MYLK4: variants seen among roughly 807,000 people sequenced by gnomAD.
MYLK4 encodes caMLCK like.
MYLK4 carries 46 observed loss-of-function variants against 48.1 expected under a neutral mutation model. The ratio of observed to expected loss-of-function variants is 0.96; its 90% confidence interval spans 0.75 to 1.22. MYLK4 has a LOEUF of 1.22. Ranked by LOEUF, MYLK4 falls within the 50% of genes most tolerant of loss-of-function variation. The probability of loss-of-function intolerance (pLI) is 0.00; values close to 1 mark genes in which losing one functional copy is unlikely to be tolerated. For missense variants in MYLK4, 451 were observed against 486.1 expected, an observed-to-expected ratio of 0.93 and a Z score of 0.68; for synonymous variants, 170 against 180.8, an observed-to-expected ratio of 0.94 and a Z score of 0.48.
chr6:2,733,347 G>C (rs34251656), intron 2 of MYLK4, among the ~76,000 whole-genome samples: 5,230 of 152,290 alleles, frequency 0.034, 242 homozygotes, highest in East Asian at 0.27. Flanking sequence ...GGAAATACAT[G>C]TGTAAAAACT....
At chr6:2,718,544 T>C (rs1297995930) in intron 2 of MYLK4, among the ~76,000 whole-genome samples, 2 of 152,178 alleles carry the variant, frequency 1.3e-5, no homozygotes, top group Admixed American at 1.3e-4. Context: ...GCAGATATGG[T>C]AGGAGCTCCA....
At chr6:2,713,834 C>T (rs1036663502) in intron 2 of MYLK4, among the ~76,000 whole-genome samples, 3 of 152,162 alleles carry the variant, frequency 2.0e-5, no homozygotes, top group Admixed American at 2.0e-4. Flanking sequence ...GTAGAGAAAC[C>T]GGCTTGGTAA....
intron 2 of MYLK4, among the ~76,000 whole-genome samples, chr6:2,718,636 T>C (rs1762953955): frequency 6.6e-6 from 1 of 152,186 alleles, no homozygotes; most frequent in Non-Finnish European, 1.5e-5. Flanking sequence ...GACTTCTTTA[T>C]TGTGAGGGCC....
At chr6:2,753,124 C>T (rs1392644886), upstream of MYLK4, among the ~76,000 whole-genome samples, 1 of 152,158 alleles carries the variant, frequency 6.6e-6, no homozygotes, top group East Asian at 1.9e-4. Flanking sequence ...TGGAGTTATA[C>T]TTCTCTAAAA....
the MYLK4 span, among the ~76,000 whole-genome samples, chr6:2,763,546 G>A: frequency 6.6e-6 from 1 of 152,312 alleles, no homozygotes; most frequent in Admixed American, 6.5e-5. Context: ...GGCCGGTGGT[G>A]CAGGCCGCTC....
the MYLK4 span, among the ~76,000 whole-genome samples, chr6:2,762,394 C>A: frequency 6.6e-6 from 1 of 152,156 alleles, no homozygotes; most frequent in Non-Finnish European, 1.5e-5. Flanking sequence ...TGTAGATTTT[C>A]CACAGCATTA....
chr6:2,725,082 C>T (rs755211577), intron 2 of MYLK4, among the ~76,000 whole-genome samples: 5 of 152,100 alleles, frequency 3.3e-5, no homozygotes, highest in Non-Finnish European at 5.9e-5. Context: ...ACCTGGGAGG[C>T]GGAGGTGGCA....
the MYLK4 span, chr6:2,765,822 C>A: frequency 4.3e-5 from 58 of 1,357,256 alleles, no homozygotes; most frequent in Non-Finnish European, 5.4e-5. Flanking sequence ...CCCTCGCCGC[C>A]CGGCGCCAAG....
chr6:2,717,747 T>C (rs1164124230), intron 2 of MYLK4, among the ~76,000 whole-genome samples: 2 of 152,242 alleles, frequency 1.3e-5, no homozygotes. Context: ...CTGATAATAG[T>C]TCAGGATTTA....
At chr6:2,701,185 A>C (rs1458133801) in intron 2 of MYLK4, among the ~76,000 whole-genome samples, 1 of 151,794 alleles carries the variant, frequency 6.6e-6, no homozygotes, top group South Asian at 2.1e-4. Flanking sequence ...TCACCCAATA[A>C]AACTCTTTGA....
the MYLK4 span, among the ~76,000 whole-genome samples, chr6:2,765,186 C>A: frequency 9.8e-6 from 1 of 102,360 alleles, no homozygotes. Context: ...CTCGCAACCC[C>A]CCCCCCCGCC....
chr6:2,742,056 GAGAATTATA>G (rs1296967137), intron 2 of MYLK4, among the ~76,000 whole-genome samples: 7 of 151,950 alleles, frequency 4.6e-5, no homozygotes, highest in African/African-American at 1.7e-4. Flanking sequence ...CAGACCTAAA[GAGAATTATA>G]ATGTTTTATG....
chr6:2,765,967 C>G, the MYLK4 span: 1 of 1,418,424 alleles, frequency 7.1e-7, no homozygotes, highest in Non-Finnish European at 9.2e-7. Flanking sequence ...ACGCGCCGCC[C>G]ACACCCAGCG....
intron 2 of MYLK4, among the ~76,000 whole-genome samples, chr6:2,736,223 G>A (rs1450648742): frequency 6.6e-6 from 1 of 152,196 alleles, no homozygotes; most frequent in Non-Finnish European, 1.5e-5. Context: ...TGCTTCCCGT[G>A]TGCTTGCTTT....
At chr6:2,749,912 TAC>T (rs1764227887) in intron 1 of MYLK4, among the ~76,000 whole-genome samples, 1 of 152,238 alleles carries the variant, frequency 6.6e-6, no homozygotes, top group African/African-American at 2.4e-5. Flanking sequence ...TTTATTTCCT[TAC>T]AGTCTTCTCA....
intron 2 of MYLK4, among the ~76,000 whole-genome samples, chr6:2,698,823 G>T (rs867885049): frequency 6.6e-6 from 1 of 152,120 alleles, no homozygotes; most frequent in Non-Finnish European, 1.5e-5. Flanking sequence ...TGTATGAAGC[G>T]AGAAAACCCT....
chr6:2,752,576 C>T (rs184834982), upstream of MYLK4, among the ~76,000 whole-genome samples: 46 of 152,108 alleles, frequency 3.0e-4, no homozygotes, highest in Middle Eastern at 3.4e-3. Context: ...GAGATGGAGA[C>T]GGCTGTGGGA....
chr6:2,667,223 G>A lies in MYLK4; in HGVS notation c.*702C>T, dbSNP rs1409205341. 6.6e-6 allele frequency: 1 copy of A among 152,198 alleles called. No individual in the cohort carries two copies. Among genetic ancestry groups the A allele is most frequent in the Non-Finnish European group, 1.5e-5 (1 of 68,046 alleles). The allele number at this position is 152,198 out of a possible 1,614,324, so 9.4% of individuals were successfully genotyped here. On this transcript the variant is annotated 3_prime_UTR_variant, in exon 13 of 13. Transcript: ENST00000274643. The stretch of plus-strand genomic sequence containing the variant: ...ACTGTCAGTCAGAAGGGTGCAGGGA[G>A]TATAGATGTGAAAAACAGAATCAGC...
chr6:2,703,250 A>G (rs1762364517), intron 2 of MYLK4, among the ~76,000 whole-genome samples: 1 of 152,218 alleles, frequency 6.6e-6, no homozygotes, highest in African/African-American at 2.4e-5. Flanking sequence ...AAAGAGTATC[A>G]TATGAAGGCA....
Sources: gnomAD v4.1 joint callset for allele counts (sites outside exome capture counted in the v4.1 genomes callset) on GRCh38, gnomAD v4.1.1 for gene constraint, MANE v1.5 for transcripts, NCBI Gene and HGNC (gene_info 2026-07-23, HGNC 2026-07-21) for gene names.